Variants in ZFAND3 observed in about 807,000 individuals in gnomAD.
ZFAND3 encodes AN1-type zinc finger protein 3.
A neutral mutation model predicts 29.6 loss-of-function variants in ZFAND3; 10 were observed. The ratio of observed to expected loss-of-function variants is 0.34; its 90% CI spans 0.21 to 0.57. The LOEUF is 0.57. Among genes scored for constraint, ZFAND3 ranks in the 20% least tolerant of loss-of-function variants. The pLI is 0.86. For missense variants in ZFAND3, 230 were observed against 304.5 expected (o/e 0.76, Z 1.82); for synonymous variants, 128 against 112.6 (o/e 1.14, Z -0.87).
chr6:37,895,459 CTTTTTT>C (rs11331881), intron 1 of ZFAND3, among the ~76,000 whole-genome samples: 1 of 76,772 alleles, frequency 1.3e-5, no homozygotes, highest in Non-Finnish European at 2.4e-5. Flanking sequence ...CTCAGAGGTT[CTTTTTT>C]TTTTTTTTTT....
At chr6:37,845,890 A>G (rs1764168772) in intron 1 of ZFAND3, among the ~76,000 whole-genome samples, 1 of 152,238 alleles carries the variant, frequency 6.6e-6, no homozygotes, top group Non-Finnish European at 1.5e-5. Flanking sequence ...TCTAAAGACT[A>G]ATGGTACAGT....
At chr6:37,896,153 A>G (rs370403421) in intron 1 of ZFAND3, among the ~76,000 whole-genome samples, 2 of 152,142 alleles carry the variant, frequency 1.3e-5, no homozygotes, top group African/African-American at 2.4e-5. Context: ...TTGATGTTCC[A>G]TTTTGGCTTT....
intron 2 of ZFAND3, among the ~76,000 whole-genome samples, chr6:38,022,766 G>T (rs1164259629): frequency 6.6e-6 from 1 of 152,162 alleles, no homozygotes; most frequent in Non-Finnish European, 1.5e-5. Flanking sequence ...GAGCAGATAG[G>T]TAAATTGTGT....
At chr6:37,950,954 C>T (rs1269712128) in intron 2 of ZFAND3, among the ~76,000 whole-genome samples, 4 of 152,128 alleles carry the variant, frequency 2.6e-5, no homozygotes, top group Non-Finnish European at 4.4e-5. Flanking sequence ...TAAATTGCCT[C>T]GGGCCGTATG....
rs560608962 is a variant in ZFAND3 at position 38,081,479 on chromosome 6, T to C, written c.296-913T>C. 3.1e-3 allele frequency among the ~76,000 whole-genome samples: 469 copies of C among 152,256 alleles called. 3 individuals are homozygous for C. Among genetic ancestry groups the C allele is most frequent in the African/African-American group, 0.011 (446 of 41,534 alleles). ...TTTTCAGTGAGTAAATTAAATGATATGAATTATTGTTGTAGGAGATACACA... is the reference window on the plus strand; with the variant it reads ...TTTTCAGTGAGTAAATTAAATGATACGAATTATTGTTGTAGGAGATACACA... On this transcript the variant is annotated intron_variant, in intron 3 of 5. Transcript: ENST00000287218.
chr6:37,824,790 T>C (rs1278275784), intron 1 of ZFAND3, among the ~76,000 whole-genome samples: 1 of 152,224 alleles, frequency 6.6e-6, no homozygotes, highest in Non-Finnish European at 1.5e-5. Flanking sequence ...ATTTTGTTAG[T>C]ATTTCATTTT....
At chr6:38,141,810 GC>G (rs1233986377) in intron 5 of ZFAND3, among the ~76,000 whole-genome samples, 3 of 152,200 alleles carry the variant, frequency 2.0e-5, no homozygotes, top group East Asian at 3.8e-4. Context: ...GAGTCATAAT[GC>G]CAAGCATGTC....
intron 3 of ZFAND3, among the ~76,000 whole-genome samples, chr6:38,077,669 A>G (rs1274611684): frequency 6.6e-6 from 1 of 152,230 alleles, no homozygotes; most frequent in East Asian, 1.9e-4. Context: ...AGTGAGGGCT[A>G]GTGGAACCAG....
intron 4 of ZFAND3, among the ~76,000 whole-genome samples, chr6:38,110,317 G>A (rs1391025130): frequency 1.3e-5 from 2 of 152,112 alleles, no homozygotes; most frequent in Non-Finnish European, 2.9e-5. Flanking sequence ...TTTTTTTAAT[G>A]GGTAGCAAGG....
intron 4 of ZFAND3, among the ~76,000 whole-genome samples, chr6:38,114,419 C>T (rs1351929117): frequency 6.6e-6 from 1 of 152,234 alleles, no homozygotes; most frequent in African/African-American, 2.4e-5. Context: ...ACTCACCACA[C>T]TGACTGGGCC....
intron 1 of ZFAND3, among the ~76,000 whole-genome samples, chr6:37,843,766 A>G (rs1308573522): frequency 6.6e-6 from 1 of 151,656 alleles, no homozygotes; most frequent in Admixed American, 6.6e-5. Context: ...TAGCTGAGAC[A>G]TTGCATATTC....
chr6:38,002,738 T>G (rs1762972565), intron 2 of ZFAND3: 1 of 152,162 alleles, frequency 6.6e-6, no homozygotes, highest in South Asian at 2.1e-4. Flanking sequence ...CTACTCTAGA[T>G]CATCCTAAAG....
intron 5 of ZFAND3, among the ~76,000 whole-genome samples, chr6:38,150,389 T>G (rs1766197346): frequency 6.6e-6 from 1 of 152,124 alleles, no homozygotes; most frequent in Non-Finnish European, 1.5e-5. Context: ...CTCAGCTGGG[T>G]CACTCCAGCC....
intron 2 of ZFAND3, among the ~76,000 whole-genome samples, chr6:37,952,877 C>G (rs917482522): frequency 3.3e-5 from 5 of 151,466 alleles, no homozygotes; most frequent in Admixed American, 3.3e-4. Context: ...TGCAGATCTG[C>G]TTGGAGTGTG....
chr6:38,101,927 T>C (rs574018131), intron 4 of ZFAND3, among the ~76,000 whole-genome samples: 6 of 152,196 alleles, frequency 3.9e-5, no homozygotes, highest in Non-Finnish European at 7.3e-5. Flanking sequence ...TACTCAGTTA[T>C]GCATTCAAGC....
chr6:38,006,712 A>C lies in ZFAND3; in HGVS notation c.113-54881A>C, dbSNP rs1329685203. On this transcript the variant is annotated intron_variant, in intron 2 of 5. Transcript: ENST00000287218. The stretch of plus-strand genomic sequence containing the variant: ...TTTTGGCTCAAGCTTTGGAGGGACG[A>C]AGAAATGGTGTGGATTCTGTGAAAT... Among the ~76,000 whole-genome samples, 4 of 149,928 alleles carry C rather than the reference A, an allele frequency of 2.7e-5. No homozygotes were observed. In the East Asian group the frequency reaches 7.8e-4, roughly 29 times the overall value.
chr6:38,041,140 CTCA>C (rs1433199666), intron 2 of ZFAND3, among the ~76,000 whole-genome samples: 1 of 152,002 alleles, frequency 6.6e-6, no homozygotes, highest in Non-Finnish European at 1.5e-5. Context: ...TTGATGTTTC[CTCA>C]TGATTAGATT....
chr6:38,113,990 C>T (rs767507602), intron 4 of ZFAND3, among the ~76,000 whole-genome samples: 5 of 152,186 alleles, frequency 3.3e-5, no homozygotes, highest in Non-Finnish European at 5.9e-5. Flanking sequence ...AGGGTCTGAG[C>T]AGTTCTGTGT....
At chr6:37,850,810 G>C (rs1054688837) in intron 1 of ZFAND3, among the ~76,000 whole-genome samples, 1 of 152,116 alleles carries the variant, frequency 6.6e-6, no homozygotes, top group African/African-American at 2.4e-5. Context: ...TGTTGCCAAG[G>C]CTGGTCTCTG....
Sources: allele counts gnomAD v4.1 joint callset (sites outside exome capture counted in the v4.1 genomes callset), GRCh38; gene constraint gnomAD v4.1.1; transcripts MANE v1.5; gene names NCBI Gene and HGNC (gene_info 2026-07-23, HGNC 2026-07-21).